The following FOXP2 variants were observed in gnomAD, a reference collection of about 807,000 sequenced individuals.
The protein encoded by FOXP2 is forkhead box protein P2.
Under a neutral mutation model 115.8 loss-of-function variants are expected in FOXP2, and 12 were observed. The ratio of observed to expected loss-of-function variants is 0.10; its 90% confidence interval spans 0.07 to 0.17. The LOEUF is 0.17. Ranked by LOEUF, FOXP2 falls within the 10% of genes least tolerant of loss-of-function variation. FOXP2 has a pLI of 1.00. For synonymous variants in FOXP2, 328 were observed against 297.7 expected (o/e 1.10, Z -1.05); for missense variants, 629 against 843.5 (o/e 0.75, Z 3.15).
At chr7:114,327,980 G>A (rs1797600275) in intron 2 of FOXP2, among the ~76,000 whole-genome samples, 1 of 150,896 alleles carries the variant, frequency 6.6e-6, no homozygotes, top group African/African-American at 2.4e-5. Flanking sequence ...GAGTCCAGTG[G>A]CACTATCATG....
chr7:114,314,121 G>A (rs961023251), intron 2 of FOXP2, among the ~76,000 whole-genome samples: 9 of 151,820 alleles, frequency 5.9e-5, no homozygotes, highest in Non-Finnish European at 8.8e-5. Context: ...TTTTATGTAC[G>A]TGTATTTGAG....
In FOXP2 at chr7:114,396,133, C is replaced by T. The variant is rs1258204400; in HGVS notation, c.-10-30369C>T. 2.0e-5 allele frequency among the ~76,000 whole-genome samples: 3 copies of T among 151,510 alleles called. No homozygotes were observed. The East Asian group carries it at 5.8e-4, about 29-fold the overall frequency. Reference sequence around the variant, plus strand: ...TATTATTTCTATTTTTTTTTGTACCCATTAACTATCTCATCTTCCCCCACA... The same window carrying T: ...TATTATTTCTATTTTTTTTTGTACCTATTAACTATCTCATCTTCCCCCACA... On this transcript the variant is annotated intron_variant, in intron 2 of 17. Coordinates refer to the FOXP2 transcript ENST00000634411.
chr7:114,094,102 A>C (rs1045532396), intron 1 of FOXP2, among the ~76,000 whole-genome samples: 1 of 152,196 alleles, frequency 6.6e-6, no homozygotes, highest in Non-Finnish European at 1.5e-5. Flanking sequence ...CCACATTTAG[A>C]TGACTTTACT....
chr7:114,648,664 A>G (rs988768907), intron 8 of FOXP2, among the ~76,000 whole-genome samples: 1 of 152,114 alleles, frequency 6.6e-6, no homozygotes, highest in Non-Finnish European at 1.5e-5. Flanking sequence ...GTGCTTGCTT[A>G]ATTGTTTTTA....
intron 3 of FOXP2, among the ~76,000 whole-genome samples, chr7:114,550,280 G>T (rs1800143054): frequency 6.6e-6 from 1 of 151,882 alleles, no homozygotes; most frequent in Non-Finnish European, 1.5e-5. Context: ...ACCACGCCCG[G>T]CTAATTTTTG....
intron 1 of FOXP2, among the ~76,000 whole-genome samples, chr7:114,163,289 T>G (rs1485312866): frequency 6.6e-6 from 1 of 152,110 alleles, no homozygotes; most frequent in Non-Finnish European, 1.5e-5. Flanking sequence ...ATAATAATAT[T>G]TAATGTAAAA....
At chr7:114,153,621 A>C (rs757597254) in intron 1 of FOXP2, among the ~76,000 whole-genome samples, 3 of 152,218 alleles carry the variant, frequency 2.0e-5, no homozygotes. Context: ...GACATAGTGC[A>C]TTATATTTGC....
chr7:114,433,957 AT>A (rs938957005), intron 2 of FOXP2, among the ~76,000 whole-genome samples: 2 of 151,996 alleles, frequency 1.3e-5, no homozygotes, highest in East Asian at 1.9e-4. Context: ...ATGTAAAAAA[AT>A]ATAAAGTAAT....
chr7:114,616,549 C>T (rs1346375929), intron 3 of FOXP2, among the ~76,000 whole-genome samples: 1 of 152,104 alleles, frequency 6.6e-6, no homozygotes, highest in Non-Finnish European at 1.5e-5. Context: ...TTACCATTAT[C>T]ACCTTAATTC....
chr7:114,551,722 T>C (rs759924403), intron 3 of FOXP2, among the ~76,000 whole-genome samples: 8 of 152,100 alleles, frequency 5.3e-5, no homozygotes, highest in African/African-American at 2.4e-5. Context: ...TGTAGAAAAG[T>C]ATTTTAATAA....
At chr7:114,600,346 A>G (rs879574036) in intron 3 of FOXP2, among the ~76,000 whole-genome samples, 13 of 152,176 alleles carry the variant, frequency 8.5e-5, no homozygotes, top group Non-Finnish European at 1.8e-4. Flanking sequence ...TTTTCATGGC[A>G]TGATAGATCA....
At position 114,663,517 on chromosome 7, in the gene FOXP2, C is replaced by A. The variant is rs765574065; in HGVS notation, c.1837C>A (p.Gln613Lys). The stretch of plus-strand genomic sequence containing the variant: ...TGGAGCAGCTCTTAATGCCAGTTTG[C>A]AGGTAATGTACTTTCCCAGTTTTGT... ...GYGAALNASL[Q>K]AALAESSLPL... Residue 613 changes from glutamine (Q) to lysine (K), a missense_variant and splice_region_variant, in exon 15 of 17, where the codon CAG (glutamine) becomes AAG (lysine). Coordinates refer to ENST00000350908, the MANE Select transcript of FOXP2 (RefSeq NM_014491.4). 1.2e-6 allele frequency: 2 copies of A among 1,606,324 alleles called. No homozygotes were observed. Among genetic ancestry groups the A allele is most frequent in the South Asian group, 2.2e-5 (2 of 90,862 alleles).
chr7:114,617,420 C>T (rs369524199), intron 3 of FOXP2, among the ~76,000 whole-genome samples: 28 of 152,202 alleles, frequency 1.8e-4, no homozygotes, highest in Non-Finnish European at 3.8e-4. Context: ...ATTGTTGCCA[C>T]GAATATTTCT....
chr7:114,245,603 T>C (rs1254243113), intron 1 of FOXP2, among the ~76,000 whole-genome samples: 1 of 152,212 alleles, frequency 6.6e-6, no homozygotes, highest in Non-Finnish European at 1.5e-5. Flanking sequence ...AGGATATGAA[T>C]ATTGTTAGTG....
At chr7:114,680,259 T>G (rs995542079) in intron 16 of FOXP2, among the ~76,000 whole-genome samples, 4 of 152,210 alleles carry the variant, frequency 2.6e-5, no homozygotes, top group Non-Finnish European at 5.9e-5. Flanking sequence ...GAAAATGTTG[T>G]GTACTGAAAG....
At chr7:114,371,331 C>T (rs1792002265) in intron 2 of FOXP2, among the ~76,000 whole-genome samples, 1 of 151,692 alleles carries the variant, frequency 6.6e-6, no homozygotes, top group Non-Finnish European at 1.5e-5. Flanking sequence ...AGTGATCCTC[C>T]TGCCTCAGCC....
At chr7:114,374,149 G>T (rs946572316) in intron 2 of FOXP2, among the ~76,000 whole-genome samples, 4 of 152,116 alleles carry the variant, frequency 2.6e-5, no homozygotes, top group Non-Finnish European at 5.9e-5. Flanking sequence ...TCATATGCCA[G>T]GCAAATTTTG....
At chr7:114,501,627 T>C (rs1797569151) in intron 2 of FOXP2, among the ~76,000 whole-genome samples, 1 of 152,110 alleles carries the variant, frequency 6.6e-6, no homozygotes, top group African/African-American at 2.4e-5. Context: ...AAACATGGAC[T>C]TGAAAGACAT....
intron 1 of FOXP2, among the ~76,000 whole-genome samples, chr7:114,275,896 T>C (rs1796173894): frequency 6.6e-6 from 1 of 152,170 alleles, no homozygotes; most frequent in Non-Finnish European, 1.5e-5. Flanking sequence ...GACTTTTGAT[T>C]GTGAACTTCA....
Sources: gnomAD v4.1 joint callset for allele counts (sites outside exome capture counted in the v4.1 genomes callset) on GRCh38, gnomAD v4.1.1 for gene constraint, MANE v1.5 for transcripts, NCBI Gene and HGNC (gene_info 2026-07-23, HGNC 2026-07-21) for gene names.